GCLM: variants seen among roughly 807,000 people sequenced by gnomAD.
The protein encoded by GCLM is glutamate-cysteine ligase modifier subunit, also known as glutamate--cysteine ligase regulatory subunit.
A neutral mutation model predicts 36.0 loss-of-function variants in GCLM; 15 were observed. The ratio of observed to expected loss-of-function variants is 0.42; its 90% CI spans 0.28 to 0.64. GCLM has a LOEUF of 0.64. Ranked by LOEUF, GCLM falls within the 30% of genes least tolerant of loss-of-function variation. GCLM has a pLI of 0.25. For missense variants in GCLM, 242 were observed against 325.5 expected, an observed-to-expected ratio of 0.74 and a Z score of 1.97; for synonymous variants, 129 against 122.8, an observed-to-expected ratio of 1.05 and a Z score of -0.34.
intron 6 of GCLM, among the ~76,000 whole-genome samples, chr1:93,892,799 C>T (rs1656583593): frequency 6.6e-6 from 1 of 151,970 alleles, no homozygotes; most frequent in African/African-American, 2.4e-5. Flanking sequence ...TCCTTTCCTA[C>T]TAGTAAAAGG....
intron 1 of GCLM, among the ~76,000 whole-genome samples, chr1:93,905,875 G>A (rs1490001936): frequency 6.6e-6 from 1 of 152,088 alleles, no homozygotes; most frequent in Non-Finnish European, 1.5e-5. Flanking sequence ...GACCACTAAT[G>A]GGCCAAACCT....
intron 3 of GCLM, among the ~76,000 whole-genome samples, chr1:93,900,906 A>G (rs1656923934): frequency 6.6e-6 from 1 of 152,218 alleles, no homozygotes. Context: ...AAACAGGTAC[A>G]TCCCCATTTT....
At chr1:93,908,257 T>C (rs998400741) in intron 1 of GCLM, among the ~76,000 whole-genome samples, 7 of 152,206 alleles carry the variant, frequency 4.6e-5, no homozygotes, top group Non-Finnish European at 1.0e-4. Flanking sequence ...GGCCAACAAA[T>C]AGGTAACAAG....
intron 2 of GCLM, among the ~76,000 whole-genome samples, chr1:93,902,164 T>TTTTG (rs773239107): frequency 6.6e-6 from 1 of 152,090 alleles, no homozygotes; most frequent in South Asian, 2.1e-4. Flanking sequence ...TTTTGGGTTT[T>TTTTG]TTTGTTTGTT....
At chr1:93,894,791 G>A in intron 5 of GCLM, 63 bp from the exon 6 acceptor site, 2 of 749,644 alleles carry the variant, frequency 2.7e-6, no homozygotes, top group Non-Finnish European at 4.8e-6. Flanking sequence ...AAAGTAGAAA[G>A]CAATAAGCAA....
At position 93,897,851 on chromosome 1, in the gene GCLM, C is replaced by T; in HGVS notation, c.325G>A (p.Ala109Thr). ...ESNSSSSTRS[A>T]VDMACSVLGV... ...AGTTTTTGCTTACCCATGTCAACTGCACTTCTAGTTGATGATGAAGAGTTT... is the reference window on the plus strand; with the variant it reads ...AGTTTTTGCTTACCCATGTCAACTGTACTTCTAGTTGATGATGAAGAGTTT... The change falls in exon 4 of 7, where the codon GCA (alanine) becomes ACA (threonine). Residue 109 changes from alanine (A) to threonine (T), a missense_variant. Transcript: ENST00000370238. The T allele has an allele frequency of 6.4e-7, 1 of 1,550,588 alleles. No homozygotes were observed. Among genetic ancestry groups the T allele is most frequent in the Non-Finnish European group, 8.7e-7 (1 of 1,154,032 alleles).
At chr1:93,909,009 AG>A in intron 1 of GCLM, 28 bp downstream of exon 1, 1 of 1,428,586 alleles carries the variant, frequency 7.0e-7, no homozygotes. Context: ...CTGCCCCGGG[AG>A]CCCCGCGGCG....
At chr1:93,898,588 C>A (rs1232592995) in intron 3 of GCLM, among the ~76,000 whole-genome samples, 3 of 152,120 alleles carry the variant, frequency 2.0e-5, no homozygotes, top group African/African-American at 7.2e-5. Context: ...GACCCTCCCG[C>A]TTCGGCTTCC....
At position 93,886,998 on chromosome 1, in the gene GCLM, T is replaced by TTTC. The variant is rs1491319395; in HGVS notation, c.*1991_*1992insGAA. On this transcript the variant is annotated 3_prime_UTR_variant, in exon 7 of 7. Coordinates refer to ENST00000370238, the MANE Select transcript of GCLM (RefSeq NM_002061.4). ...ATCACATGATTTCACATAATTTTTC[T>TTTC]TTTTTTTTTTTTTTTGAGACGCAGT... The TTTC allele has an allele frequency of 5.8e-4, 25 of 42,882 alleles. No individual in the cohort carries two copies. Among genetic ancestry groups the TTTC allele is most frequent in the African/African-American group, 5.6e-3 (23 of 4,096 alleles). 2.7% of individuals were successfully genotyped at this position (42,882 alleles called of 1,614,324 possible). A position where few individuals can be genotyped will look rare whatever the true frequency, so the allele number is the denominator to read the frequency against.
chr1:93,902,379 C>T (rs907336643), intron 2 of GCLM, among the ~76,000 whole-genome samples: 2 of 151,610 alleles, frequency 1.3e-5, no homozygotes, highest in Middle Eastern at 3.2e-3. Flanking sequence ...AGGGTTTCAC[C>T]GTGTTAGCCA....
In GCLM at chr1:93,886,179, C is replaced by A. The variant is rs892924666; in HGVS notation, c.*2811G>T. The stretch of plus-strand genomic sequence containing the variant: ...TACATTGTGTTAAAGTAAGGCTCCA[C>A]TGTATTTTGGACATGTAATAAACAA... On this transcript the variant is annotated 3_prime_UTR_variant, in exon 7 of 7. Coordinates refer to ENST00000370238, the MANE Select transcript of GCLM (RefSeq NM_002061.4). 1.3e-5 allele frequency: 2 copies of A among 151,642 alleles called. No individual in the cohort carries two copies. The highest frequency in any genetic ancestry group is 4.9e-5 in the African/African-American group (2 of 41,208). The allele number at this position is 151,642 out of a possible 1,614,324, so 9.4% of individuals were successfully genotyped here.
rs1657260741 is a variant in GCLM, at chr1:93,909,077, G to A, written c.87C>T (p.Gly29=). 6.8e-7 allele frequency: 1 copy of A among 1,474,952 alleles called. No individual in the cohort carries two copies. Among genetic ancestry groups the A allele is most frequent in the Non-Finnish European group, 8.9e-7 (1 of 1,118,724 alleles). The allele number at this position is 1,474,952 out of a possible 1,614,324, so 91.4% of individuals were successfully genotyped here. A position where few individuals can be genotyped will look rare whatever the true frequency, so the allele number is the denominator to read the frequency against. The change falls in exon 1 of 7, where the codon GGC becomes GGT. Residue 29 remains glycine (G), a synonymous_variant. Coordinates refer to ENST00000370238, the MANE Select transcript of GCLM (RefSeq NM_002061.4). ...HLQTGNLLNW[G]RLRKKCPSTH... ...TGGACGGGCACTTCTTCCGCAGGCG[G>A]CCCCAGTTCAGCAGGTTCCCCGTCT... is the stretch of plus-strand genomic sequence containing the variant.
chr1:93,897,664 C>T (rs1267571147), intron 4 of GCLM, among the ~76,000 whole-genome samples, 175 bp downstream of exon 4: 1 of 152,018 alleles, frequency 6.6e-6, no homozygotes, highest in Non-Finnish European at 1.5e-5. Context: ...AAATATGACC[C>T]TACATAAGTC....
intron 5 of GCLM, 104 bp from the exon 6 acceptor site, chr1:93,894,832 A>G (rs938552041): frequency 5.2e-5 from 33 of 632,146 alleles, no homozygotes; most frequent in Non-Finnish European, 5.7e-6. Context: ...ACATATGAAA[A>G]ATCACAATCC....
intron 2 of GCLM, among the ~76,000 whole-genome samples, chr1:93,902,070 C>T (rs1038523786): frequency 6.6e-5 from 10 of 152,260 alleles, no homozygotes; most frequent in African/African-American, 2.4e-4. Context: ...ACACGTTCTA[C>T]ATTAATTACA....
At chr1:93,904,440 C>A in intron 2 of GCLM, 83 bp downstream of exon 2, 1 of 900,298 alleles carries the variant, frequency 1.1e-6, no homozygotes, top group Non-Finnish European at 1.9e-6. Flanking sequence ...TTTGACTTCC[C>A]TCACAAAACT....
At chr1:93,907,415 G>C (rs558248868) in intron 1 of GCLM, among the ~76,000 whole-genome samples, 1 of 152,204 alleles carries the variant, frequency 6.6e-6, no homozygotes, top group East Asian at 1.9e-4. Context: ...GAAAAAATCA[G>C]AATATACGGT....
At chr1:93,903,284 ATTC>A (rs1335374215) in intron 2 of GCLM, among the ~76,000 whole-genome samples, 1 of 151,426 alleles carries the variant, frequency 6.6e-6, no homozygotes, top group Non-Finnish European at 1.5e-5. Context: ...CAAGCATTTT[ATTC>A]TTATTTATTT....
chr1:93,895,166 C>CATG (rs1656684413), intron 5 of GCLM, among the ~76,000 whole-genome samples: 1 of 152,024 alleles, frequency 6.6e-6, no homozygotes, highest in Non-Finnish European at 1.5e-5. Context: ...AGGTGCCTGC[C>CATG]ACCATGCCCA....
Sources: gnomAD v4.1 joint callset for allele counts (sites outside exome capture counted in the v4.1 genomes callset) on GRCh38, gnomAD v4.1.1 for gene constraint, MANE v1.5 for transcripts, NCBI Gene and HGNC (gene_info 2026-07-23, HGNC 2026-07-21) for gene names.